The following EPSTI1 variants were observed in gnomAD, a reference collection of about 807,000 sequenced individuals.
EPSTI1 encodes the protein epithelial-stromal interaction protein 1.
Under a neutral mutation model 49.9 loss-of-function variants are expected in EPSTI1, and 66 were observed. The observed-to-expected ratio is 1.32, with a 90% CI of 1.08 to 1.62. EPSTI1 has a LOEUF of 1.62. Among genes scored for constraint, EPSTI1 ranks in the 40% most tolerant of loss-of-function variants. The pLI, the probability that EPSTI1 is intolerant of heterozygous loss-of-function variation, is 0.00. For synonymous variants in EPSTI1, 137 were observed against 130.7 expected, an observed-to-expected ratio of 1.05 and a Z score of -0.33; for missense variants, 394 against 365.5, an observed-to-expected ratio of 1.08 and a Z score of -0.64.
chr13:42,929,618 T>C (rs1162189755), intron 6 of EPSTI1, among the ~76,000 whole-genome samples: 1 of 152,172 alleles, frequency 6.6e-6, no homozygotes, highest in Non-Finnish European at 1.5e-5. Context: ...TTAACGCACA[T>C]TGACAAATAT....
intron 5 of EPSTI1, among the ~76,000 whole-genome samples, chr13:42,960,716 A>G (rs2039421973): frequency 6.6e-6 from 1 of 152,232 alleles, no homozygotes; most frequent in Admixed American, 6.5e-5. Flanking sequence ...AAGGGAAATA[A>G]TCAGTTTCCT....
rs764777832 is a variant in EPSTI1, at chr13:42,970,639, T to C, written c.220A>G (p.Ile74Val). The C allele has an allele frequency of 3.1e-6, 5 of 1,611,022 alleles. No homozygotes were observed. Among genetic ancestry groups the C allele is most frequent in the Non-Finnish European group, 4.2e-6 (5 of 1,179,292 alleles). ...CTTTGTATCTCATTTCTCCGGTTTA[T>C]ATTTGGTGCTATCAAGGTGTATGCA... Reference protein sequence around the residue: ...TSAYTLIAPNINRRNEIQRIA... With the variant: ...TSAYTLIAPNVNRRNEIQRIA... The change falls in exon 2 of 11, where the codon ATA becomes GTA. Residue 74 changes from isoleucine (I) to valine (V), a missense_variant. By Grantham distance (29) the Ile-to-Val change is conservative (BLOSUM62 3). Coordinates refer to ENST00000313624, the MANE Select transcript of EPSTI1 (RefSeq NM_033255.5).
intron 8 of EPSTI1, among the ~76,000 whole-genome samples, chr13:42,906,423 G>A (rs115881056): frequency 6.1e-4 from 93 of 152,290 alleles, no homozygotes; most frequent in African/African-American, 1.7e-3. Flanking sequence ...AGCATGTTCC[G>A]ACATGGTTCA....
rs780751513 is a variant in EPSTI1, at chr13:42,992,079, C to A, written c.87G>T (p.Gly29=). The change falls in exon 1 of 11, where the codon GGG becomes GGT. Residue 29 remains glycine, a synonymous_variant. Transcript: ENST00000313624. ...CCACGGGGCTCAGCTCCCCTTGCCG[C>A]CCAGAAGGGTCCTGGGGATCCCGGG... The part of the protein sequence containing the change: ...RPTRDPQDPS[G]RQGELSPVED... 3.1e-6 allele frequency: 5 copies of A among 1,613,302 alleles called. No individual in the cohort carries two copies. The highest frequency in any genetic ancestry group is 4.2e-6 in the Non-Finnish European group (5 of 1,179,996).
chr13:42,987,499 C>T (rs1467311901), intron 1 of EPSTI1, among the ~76,000 whole-genome samples: 1 of 152,122 alleles, frequency 6.6e-6, no homozygotes, highest in Non-Finnish European at 1.5e-5. Flanking sequence ...GTGCATGTAG[C>T]CCAGGTGGCT....
chr13:42,949,196 T>G (rs1273454808), intron 6 of EPSTI1, among the ~76,000 whole-genome samples: 1 of 152,220 alleles, frequency 6.6e-6, no homozygotes, highest in Admixed American at 6.5e-5. Flanking sequence ...AGCTGTCTTT[T>G]GTGGGGAAAA....
intron 8 of EPSTI1, among the ~76,000 whole-genome samples, chr13:42,914,015 G>A (rs770545044): frequency 3.3e-5 from 5 of 152,060 alleles, no homozygotes; most frequent in East Asian, 1.9e-4. Context: ...CTTCTACCAC[G>A]ATTCTAAGTT....
At chr13:42,904,326 A>G (rs979297177) in intron 8 of EPSTI1, among the ~76,000 whole-genome samples, 1 of 152,242 alleles carries the variant, frequency 6.6e-6, no homozygotes, top group Non-Finnish European at 1.5e-5. Context: ...GATAAACTAC[A>G]GGTTGCCTGT....
intron 5 of EPSTI1, among the ~76,000 whole-genome samples, chr13:42,958,806 G>A (rs2039354530): frequency 6.6e-6 from 1 of 152,082 alleles, no homozygotes; most frequent in Non-Finnish European, 1.5e-5. Context: ...AAAAATGCTG[G>A]GCATTGGGCA....
chr13:42,891,691 T>C (rs180860086), intron 10 of EPSTI1, among the ~76,000 whole-genome samples: 120 of 152,322 alleles, frequency 7.9e-4, no homozygotes, highest in African/African-American at 2.8e-3. Flanking sequence ...CTCTAAGTCT[T>C]TCTATTGTGT....
In EPSTI1 at chr13:42,923,273, G is replaced by A. The variant is rs148240430; in HGVS notation, c.657+3063C>T. ...GTTATTCTTCGTTGAGGAAGTAGGG[G>A]CATAAGGCCGGGTGCGGTGGCTCAC... On this transcript the variant is annotated intron_variant, in intron 7 of 10. Coordinates refer to ENST00000313624, the MANE Select transcript of EPSTI1 (RefSeq NM_033255.5). 2.4e-3 allele frequency among the ~76,000 whole-genome samples: 360 copies of A among 152,250 alleles called. 2 individuals are homozygous for A. The highest frequency in any genetic ancestry group is 8.1e-3 in the African/African-American group (336 of 41,558).
chr13:42,934,177 G>A (rs1163827222), intron 6 of EPSTI1: 1 of 158,132 alleles, frequency 6.3e-6, no homozygotes, highest in Non-Finnish European at 1.4e-5. Context: ...GTCTGCTTCT[G>A]ATTGTAAACC....
Position 42,992,006 on chromosome 13 carries a change from C to A in EPSTI1, c.160G>T (p.Glu54Ter), listed in dbSNP as rs958311967. The A allele has an allele frequency of 1.9e-6, 3 of 1,613,262 alleles. No individual in the cohort carries two copies. Among genetic ancestry groups the A allele is most frequent in the Admixed American group, 3.3e-5 (2 of 60,010 alleles). ...LEAAPKGPSR[E>*]SVVHAGQRRT... ...CTCTGGCCCGCGTGCACGACGCTCT[C>A]CCGCGAAGGGCCCTTAGGGGCTGCC... The change falls in exon 1 of 11, where the codon GAG becomes TAG. Residue 54 changes from glutamate to a stop codon, truncating the protein, a stop_gained. Coordinates refer to ENST00000313624, the MANE Select transcript of EPSTI1 (RefSeq NM_033255.5). LOFTEE classifies it high-confidence loss of function.
At chr13:42,946,456 T>A (rs1232656448) in intron 6 of EPSTI1, among the ~76,000 whole-genome samples, 1 of 152,124 alleles carries the variant, frequency 6.6e-6, no homozygotes, top group African/African-American at 2.4e-5. Flanking sequence ...TACGTAGGAA[T>A]AGAGTGCAGC....
In EPSTI1 at chr13:42,922,481, G is replaced by A. The variant is rs1435824399; in HGVS notation, c.657+3855C>T. ...TGCAGCCGTGTGCCAAGGGTTTGCG[G>A]GGACAGGGGACAGATGCCCCCCGGA... is the stretch of plus-strand genomic sequence containing the variant. On this transcript the variant is annotated intron_variant, in intron 7 of 10. Coordinates refer to ENST00000313624, the MANE Select transcript of EPSTI1 (RefSeq NM_033255.5). This position sits in a 1 kb window ranked among gnomAD's most constrained non-coding sequence, Gnocchi z 4.8. 1.3e-5 allele frequency among the ~76,000 whole-genome samples: 2 copies of A among 152,134 alleles called. No homozygotes were observed. The highest frequency in any genetic ancestry group is 3.9e-4 in the East Asian group (2 of 5,190).
rs944600144 is a variant in EPSTI1 at position 42,969,030 on chromosome 13, C to G, written c.331+64G>C. 1.4e-4 allele frequency: 216 copies of G among 1,504,272 alleles called. 3 individuals are homozygous for G. In the Admixed American group the frequency reaches 3.6e-3, roughly 25 times the overall value. The allele number at this position is 1,504,272 out of a possible 1,614,324, so 93.2% of individuals were successfully genotyped here. A position where few individuals can be genotyped will look rare whatever the true frequency, so the allele number is the denominator to read the frequency against. On this transcript the variant is annotated intron_variant, in intron 3 of 10. Coordinates refer to ENST00000313624, the MANE Select transcript of EPSTI1 (RefSeq NM_033255.5). ...ACATTCACAGACAGACATATGCAAG[C>G]TGCTTACAGGATCCATAGGTGGCCC...
intron 1 of EPSTI1, among the ~76,000 whole-genome samples, chr13:42,980,544 T>C (rs2039970041): frequency 6.6e-6 from 1 of 152,128 alleles, no homozygotes; most frequent in Non-Finnish European, 1.5e-5. Context: ...TCAGGTCTCA[T>C]AAAACTTACT....
intron 10 of EPSTI1, among the ~76,000 whole-genome samples, chr13:42,890,958 T>C (rs1045136751): frequency 1.3e-5 from 2 of 152,184 alleles, no homozygotes; most frequent in Non-Finnish European, 2.9e-5. Context: ...CAAGTGAGTA[T>C]TGTAATTTAG....
chr13:42,935,248 T>C (rs9567069), intron 6 of EPSTI1, among the ~76,000 whole-genome samples: 18,352 of 152,300 alleles, frequency 0.12, 1,415 homozygotes, highest in Non-Finnish European at 0.17. Context: ...CCCCACCTCT[T>C]TCTAACCATC....
Sources: gnomAD v4.1 joint callset for allele counts (sites outside exome capture counted in the v4.1 genomes callset) on GRCh38, gnomAD v4.1.1 for gene constraint, Gnocchi (gnomAD v3.1) non-coding constraint, MANE v1.5 for transcripts, NCBI Gene and HGNC (gene_info 2026-07-23, HGNC 2026-07-21) for gene names.